The following AKT3 variants were observed in gnomAD, a reference collection of about 807,000 sequenced individuals.
AKT3 encodes the protein RAC-gamma serine/threonine-protein kinase.
In AKT3, 15 loss-of-function variants were observed where a neutral mutation model predicts 65.3. The ratio of observed to expected loss-of-function variants is 0.23; its 90% CI spans 0.15 to 0.35. AKT3 has a LOEUF of 0.35. Among genes scored for constraint, AKT3 ranks in the 10% least tolerant of loss-of-function variants. The pLI, the probability that AKT3 is intolerant of heterozygous loss-of-function variation, is 1.00. For missense variants in AKT3, 243 were observed against 576.5 expected (o/e 0.42, Z 5.92); for synonymous variants, 206 against 183.8 (o/e 1.12, Z -0.98).
chr1:243,834,549 C>T (rs1030032396), intron 2 of AKT3, among the ~76,000 whole-genome samples: 12 of 151,928 alleles, frequency 7.9e-5, no homozygotes, highest in Non-Finnish European at 2.9e-5. Context: ...ACACACTGTA[C>T]TTTAGAGAGT....
intron 3 of AKT3, among the ~76,000 whole-genome samples, chr1:243,680,773 T>C (rs1397414877): frequency 6.6e-6 from 1 of 152,184 alleles, no homozygotes; most frequent in Non-Finnish European, 1.5e-5. Flanking sequence ...GTCTCCCCTA[T>C]GGCTTCTATG....
intron 8 of AKT3, among the ~76,000 whole-genome samples, chr1:243,573,398 T>C (rs1192680066): frequency 1.3e-5 from 2 of 152,158 alleles, no homozygotes; most frequent in South Asian, 4.1e-4. Flanking sequence ...ATTGAGATAT[T>C]ACTAAAATAA....
rs137936834 is a variant in AKT3, at chr1:243,625,276, C to T, written c.562-10115G>A. ...CCCCTCAAGTAGCTGGGATTACAGA[C>T]GCATGCCACCAAGCCAAGCTAATTT... On this transcript the variant is annotated intron_variant, in intron 6 of 13. Transcript: ENST00000673466. Among the ~76,000 whole-genome samples the T allele has an allele frequency of 1.6e-3, 245 of 151,766 alleles. 1 individual carries two copies. The highest frequency in any genetic ancestry group is 5.4e-3 in the African/African-American group (224 of 41,346).
At chr1:243,590,574 T>C (rs1676153802) in intron 8 of AKT3, among the ~76,000 whole-genome samples, 1 of 151,846 alleles carries the variant, frequency 6.6e-6, no homozygotes. Flanking sequence ...GACTTCAAAA[T>C]AGTACATGAA....
intron 7 of AKT3, among the ~76,000 whole-genome samples, chr1:243,614,542 T>C (rs888860968): frequency 1.3e-5 from 2 of 152,176 alleles, no homozygotes; most frequent in Non-Finnish European, 2.9e-5. Flanking sequence ...AATCAGTTTA[T>C]ACTTTGTCTA....
chr1:243,669,141 C>T (rs1490555977), intron 3 of AKT3, among the ~76,000 whole-genome samples: 1 of 152,152 alleles, frequency 6.6e-6, no homozygotes, highest in Non-Finnish European at 1.5e-5. Flanking sequence ...AACTGTTCCT[C>T]CCCATATCCT....
rs534627179 is a variant in AKT3 at position 243,492,493 on chromosome 1, G to A, written c.*7-4043C>T. On this transcript the variant is annotated intron_variant, in intron 13 of 13. Coordinates refer to the AKT3 transcript ENST00000336199. ...ATTTTTTTGTATTTTTAATAGAAAC[G>A]GGGTTTCGCCATGTTGGCCAGGCTG... Among the ~76,000 whole-genome samples, 214 of 151,268 alleles carry A rather than the reference G, an allele frequency of 1.4e-3. 1 individual carries two copies. The highest frequency in any genetic ancestry group is 2.2e-3 in the Non-Finnish European group (150 of 67,736).
chr1:243,540,577 G>T (rs1388888061), intron 12 of AKT3, among the ~76,000 whole-genome samples: 7 of 152,034 alleles, frequency 4.6e-5, no homozygotes, highest in Non-Finnish European at 1.0e-4. Context: ...ACCTTCCTCT[G>T]TATCTTGTAT....
rs1275989987 is a variant in AKT3, at chr1:243,798,073, G to A, written c.46+45052C>T. Among the ~76,000 whole-genome samples, 16 of 150,992 alleles carry A rather than the reference G, an allele frequency of 1.1e-4. No homozygotes were observed. In the East Asian group the frequency reaches 1.8e-3, roughly 17 times the overall value. On this transcript the variant is annotated intron_variant, in intron 2 of 13. Transcript: ENST00000673466. Reference sequence around the variant, plus strand: ...AATTTTCTGTATTTTTAGTAGAGACGGGGTTTCACCATGTTAGCCAGGATG... The same window carrying A: ...AATTTTCTGTATTTTTAGTAGAGACAGGGTTTCACCATGTTAGCCAGGATG...
chr1:243,579,716 C>T (rs940274248), intron 8 of AKT3, among the ~76,000 whole-genome samples: 1 of 152,060 alleles, frequency 6.6e-6, no homozygotes, highest in Admixed American at 6.6e-5. Flanking sequence ...TATATAACTA[C>T]AATTCATATG....
At chr1:243,840,582 G>A (rs925039168) in intron 2 of AKT3, among the ~76,000 whole-genome samples, 2 of 152,072 alleles carry the variant, frequency 1.3e-5, no homozygotes, top group South Asian at 2.1e-4. Flanking sequence ...TTTATATAAT[G>A]TAATATTTTA....
intron 2 of AKT3, among the ~76,000 whole-genome samples, chr1:243,794,057 C>G (rs1691795860): frequency 2.0e-5 from 3 of 152,196 alleles, no homozygotes; most frequent in Admixed American, 1.3e-4. Context: ...GAGACAGGGT[C>G]TCATTCTGTC....
intron 8 of AKT3, among the ~76,000 whole-genome samples, chr1:243,587,134 T>G (rs1197267474): frequency 6.6e-6 from 1 of 151,978 alleles, no homozygotes; most frequent in Non-Finnish European, 1.5e-5. Context: ...GAGACAAAAC[T>G]TAAAAAAGGG....
intron 2 of AKT3, among the ~76,000 whole-genome samples, chr1:243,718,311 G>C (rs917660474): frequency 1.3e-5 from 2 of 152,024 alleles, no homozygotes; most frequent in African/African-American, 2.4e-5. Context: ...TCTCTGTATC[G>C]TTACTTACAT....
chr1:243,542,587 C>T (rs1437629890), intron 12 of AKT3, among the ~76,000 whole-genome samples: 4 of 152,018 alleles, frequency 2.6e-5, no homozygotes, highest in Non-Finnish European at 5.9e-5. Context: ...ACAATAATCC[C>T]TGATCTTAGG....
At chr1:243,579,567 A>T (rs1291662099) in intron 8 of AKT3, among the ~76,000 whole-genome samples, 1 of 152,202 alleles carries the variant, frequency 6.6e-6, no homozygotes, top group Non-Finnish European at 1.5e-5. Flanking sequence ...GGCTGAAAAG[A>T]GAATGTGAAG....
rs556575265 is a variant in AKT3 at position 243,803,517 on chromosome 1, T to G, written c.46+39608A>C. Among the ~76,000 whole-genome samples the G allele has an allele frequency of 7.9e-5, 12 of 152,244 alleles. No individual in the cohort carries two copies. The South Asian group carries it at 2.5e-3, about 32-fold the overall frequency. The stretch of plus-strand genomic sequence containing the variant: ...CTTCCACTGCATCTTTATGAAAACA[T>G]AAACTAAAAAAGTTGTGAAGACTCA... On this transcript the variant is annotated intron_variant, in intron 2 of 13. Coordinates refer to ENST00000673466, the MANE Select transcript of AKT3 (RefSeq NM_005465.7).
At chr1:243,609,806 T>C (rs1322561331) in intron 8 of AKT3, among the ~76,000 whole-genome samples, 2 of 152,074 alleles carry the variant, frequency 1.3e-5, no homozygotes, top group Admixed American at 6.5e-5. Flanking sequence ...AATCTGAAAA[T>C]CTGCTTTTAG....
chr1:243,544,691 G>T (rs935510401), intron 12 of AKT3, among the ~76,000 whole-genome samples: 1 of 65,700 alleles, frequency 1.5e-5, no homozygotes, highest in Non-Finnish European at 3.8e-5. Flanking sequence ...ATTAGTAGTG[G>T]TTTTTTGTTT....
Sources: allele counts gnomAD v4.1 joint callset (sites outside exome capture counted in the v4.1 genomes callset), GRCh38; gene constraint gnomAD v4.1.1; transcripts MANE v1.5; gene names NCBI Gene and HGNC (gene_info 2026-07-23, HGNC 2026-07-21).